TIMM23: variants seen among roughly 807,000 people sequenced by gnomAD.
TIMM23 encodes mitochondrial import inner membrane translocase subunit Tim23.
Under a neutral mutation model 30.7 loss-of-function variants are expected in TIMM23, and 19 were observed. That is an observed-to-expected ratio of 0.62 (90% CI 0.43 to 0.91). TIMM23 has a LOEUF of 0.91. Ranked by LOEUF, TIMM23 falls within the 40% of genes least tolerant of loss-of-function variation. The pLI is 0.00. For missense variants in TIMM23, 202 were observed against 269.2 expected, an observed-to-expected ratio of 0.75 and a Z score of 1.75; for synonymous variants, 78 against 98.5, an observed-to-expected ratio of 0.79 and a Z score of 1.23.
At chr10:45,988,708 G>A (rs1227247146) in intron 5 of TIMM23, 29 bp from the exon 6 acceptor site, 6 of 1,607,278 alleles carry the variant, frequency 3.7e-6, no homozygotes, top group Middle Eastern at 1.7e-4. Flanking sequence ...TCACTGTTTT[G>A]TCACTGAGCA....
intron 6 of TIMM23, among the ~76,000 whole-genome samples, chr10:45,993,538 A>G (rs1239663419): frequency 6.6e-6 from 1 of 152,028 alleles, no homozygotes; most frequent in Non-Finnish European, 1.5e-5. Context: ...TGGGCGATAG[A>G]GCGAGTCTGT....
chr10:45,974,114 G>A (rs1421578736), intron 1 of TIMM23, among the ~76,000 whole-genome samples: 9 of 151,686 alleles, frequency 5.9e-5, no homozygotes, highest in African/African-American at 2.2e-4. Flanking sequence ...AGCTTTTACA[G>A]TGTGCTAGCT....
At chr10:45,985,944 A>G (rs1837976597) in intron 5 of TIMM23, among the ~76,000 whole-genome samples, 1 of 152,220 alleles carries the variant, frequency 6.6e-6, no homozygotes, top group African/African-American at 2.4e-5. Context: ...TCTAGGCAAA[A>G]GGTAACTTAG....
chr10:45,994,340 AAAAAAT>A (rs1239556778), intron 6 of TIMM23, among the ~76,000 whole-genome samples: 4 of 151,470 alleles, frequency 2.6e-5, no homozygotes, highest in South Asian at 2.1e-4. Context: ...CTCTGTCTCA[AAAAAAT>A]AAAAATAAAA....
At chr10:45,994,175 A>G (rs1838256371) in intron 6 of TIMM23, among the ~76,000 whole-genome samples, 1 of 151,988 alleles carries the variant, frequency 6.6e-6, no homozygotes, top group Non-Finnish European at 1.5e-5. Flanking sequence ...CCCCATCTCT[A>G]CTAAAATACA....
At chr10:45,974,073 TG>T (rs1430499387) in intron 1 of TIMM23, among the ~76,000 whole-genome samples, 5 of 152,050 alleles carry the variant, frequency 3.3e-5, no homozygotes, top group African/African-American at 4.8e-5. Flanking sequence ...GAAGGTAAAT[TG>T]GGGGACCAGG....
At position 45,996,084 on chromosome 10, in the gene TIMM23, T is replaced by A. The variant is rs1265867997; in HGVS notation, c.515-7119T>A. On this transcript the variant is annotated intron_variant, in intron 6 of 6. Transcript: ENST00000580018. ...CTATTTAAAACAGAAATGTTAGGCC[T>A]GGCACAGTGGCTCACGTCTGTAATC... Among the ~76,000 whole-genome samples the A allele has an allele frequency of 2.3e-4, 34 of 148,476 alleles. 3 individuals carry two copies. Among genetic ancestry groups the A allele is most frequent in the African/African-American group, 8.1e-4 (31 of 38,316 alleles).
Position 45,987,233 on chromosome 10 carries a change from GA to G in TIMM23, c.404-1492del, listed in dbSNP as rs782220947. ...TAATTGCCATACTGACTTTTGTGTT[GA>G]AAAAAAAAAAACAGTTTTTCCTCTG... On this transcript the variant is annotated intron_variant, in intron 5 of 6. Transcript: ENST00000580018. Among the ~76,000 whole-genome samples the G allele has an allele frequency of 7.4e-3, 1,041 of 140,304 alleles. 3 individuals carry two copies. The highest frequency in any genetic ancestry group is 0.01 in the Non-Finnish European group (644 of 63,776). 92.0% of individuals were successfully genotyped at this position (140,304 alleles called of 152,430 possible).
intron 2 of TIMM23, among the ~76,000 whole-genome samples, chr10:45,981,154 G>A (rs1407632093): frequency 6.7e-6 from 1 of 149,172 alleles, no homozygotes; most frequent in African/African-American, 2.5e-5. Flanking sequence ...GCCCAGGGTG[G>A]CCTCGAACTC....
At chr10:45,990,770 T>A (rs1381628856) in intron 6 of TIMM23, 1 of 392,922 alleles carries the variant, frequency 2.5e-6, no homozygotes, top group Non-Finnish European at 4.9e-6. Context: ...ATAATATTAT[T>A]ATCTTGATTT....
intron 6 of TIMM23, among the ~76,000 whole-genome samples, chr10:45,999,467 A>AT (rs1307190559): frequency 5.9e-5 from 9 of 152,276 alleles, no homozygotes; most frequent in Non-Finnish European, 8.8e-5. Context: ...GAGACATCAC[A>AT]TGTCGGTAGG....
chr10:45,977,999 T>C (rs1257848366), intron 2 of TIMM23, among the ~76,000 whole-genome samples: 1 of 151,916 alleles, frequency 6.6e-6, no homozygotes, highest in African/African-American at 2.4e-5. Flanking sequence ...CCACCCGCAC[T>C]TCAGCCTGGG....
chr10:45,994,794 G>GT (rs1838279513), intron 6 of TIMM23, among the ~76,000 whole-genome samples: 1 of 151,726 alleles, frequency 6.6e-6, no homozygotes, highest in Non-Finnish European at 1.5e-5. Flanking sequence ...ATTGGAAATA[G>GT]TTTAGATCAG....
intron 2 of TIMM23, 128 bp downstream of exon 2, chr10:45,975,640 T>A: frequency 8.2e-7 from 1 of 1,226,410 alleles, no homozygotes; most frequent in Non-Finnish European, 1.2e-6. Flanking sequence ...CATTCACCCT[T>A]TTTTCCTCAC....
intron 5 of TIMM23, among the ~76,000 whole-genome samples, chr10:45,985,818 C>T (rs1374751635): frequency 1.3e-5 from 2 of 152,184 alleles, no homozygotes; most frequent in Admixed American, 6.5e-5. Context: ...TAATCCAGCC[C>T]TCTTGCTATG....
In TIMM23 at chr10:46,000,424, T is replaced by A. The variant is rs537274979; in HGVS notation, c.515-2779T>A. Among the ~76,000 whole-genome samples, 425 of 152,336 alleles carry A rather than the reference T, an allele frequency of 2.8e-3. 2 individuals carry two copies. Among genetic ancestry groups the A allele is most frequent in the Middle Eastern group, 6.8e-3 (2 of 294 alleles). On this transcript the variant is annotated intron_variant, in intron 6 of 6. Transcript: ENST00000580018. ...CGCAACAGATGGGGTCTCACCATGT[T>A]GCCCACGCTGGTCTTGAACTCCTGG...
chr10:45,990,120 T>A (rs1209551633), intron 6 of TIMM23, among the ~76,000 whole-genome samples: 22 of 148,630 alleles, frequency 1.5e-4, no homozygotes, highest in African/African-American at 4.6e-4. Context: ...CTTTTAATTT[T>A]TTTTTTTTTT....
chr10:45,974,424 T>C (rs370241232), intron 1 of TIMM23, among the ~76,000 whole-genome samples: 3 of 152,306 alleles, frequency 2.0e-5, no homozygotes, highest in South Asian at 2.1e-4. Context: ...GGAAAATAGC[T>C]AGTGCAAATG....
chr10:46,001,008 A>AT (rs1345796423), intron 6 of TIMM23, among the ~76,000 whole-genome samples: 2 of 152,234 alleles, frequency 1.3e-5, no homozygotes, highest in African/African-American at 2.4e-5. Context: ...AGCGATAGCA[A>AT]TGCTGTTGCA....
Sources: allele counts gnomAD v4.1 joint callset (sites outside exome capture counted in the v4.1 genomes callset), GRCh38; gene constraint gnomAD v4.1.1; transcripts MANE v1.5; gene names NCBI Gene and HGNC (gene_info 2026-07-23, HGNC 2026-07-21).